Variants in KAZN observed in about 807,000 individuals in gnomAD.
KAZN encodes the protein kazrin, periplakin interacting protein.
A neutral mutation model predicts 87.4 loss-of-function variants in KAZN; 40 were observed. The ratio of observed to expected loss-of-function variants is 0.46; its 90% confidence interval spans 0.36 to 0.60. The LOEUF (loss-of-function observed/expected upper bound fraction) is 0.60, where lower values mean the gene tolerates loss of function less well. Among genes scored for constraint, KAZN ranks in the 20% least tolerant of loss-of-function variants. The probability of loss-of-function intolerance (pLI) is 0.00; values close to 1 mark genes in which losing one functional copy is unlikely to be tolerated. For missense variants in KAZN, 898 were observed against 1,073.9 expected (o/e 0.84, Z 2.29); for synonymous variants, 466 against 458.3 (o/e 1.02, Z -0.22).
chr1:14,058,257 C>A (rs754508671), intron 1 of KAZN, among the ~76,000 whole-genome samples: 1 of 152,154 alleles, frequency 6.6e-6, no homozygotes, highest in African/African-American at 2.4e-5. Context: ...CTCCTTCCTT[C>A]TTTACCTTTA....
At chr1:15,033,205 A>C (rs894205201) in intron 2 of KAZN, among the ~76,000 whole-genome samples, 1 of 152,224 alleles carries the variant, frequency 6.6e-6, no homozygotes. Flanking sequence ...TGGTGTCCAC[A>C]GGGAGTTCGG....
chr1:14,106,422 C>A (rs1644376184), intron 1 of KAZN, among the ~76,000 whole-genome samples: 1 of 152,214 alleles, frequency 6.6e-6, no homozygotes, highest in South Asian at 2.1e-4. Flanking sequence ...ACCGTATTCC[C>A]TGTGGAACAA....
intron 2 of KAZN, among the ~76,000 whole-genome samples, chr1:14,277,525 A>G (rs1052558211): frequency 2.0e-5 from 3 of 152,054 alleles, no homozygotes; most frequent in Non-Finnish European, 4.4e-5. Context: ...TTAGCTGGGC[A>G]TGGTGGCAGG....
In KAZN at chr1:14,451,429, C is replaced by T. The variant is rs189065854; in HGVS notation, c.250-147554C>T. Among the ~76,000 whole-genome samples the T allele has an allele frequency of 1.3e-4, 20 of 152,202 alleles. 1 individual carries two copies. The highest frequency in any genetic ancestry group is 7.2e-4 in the Admixed American group (11 of 15,300). On this transcript the variant is annotated intron_variant, in intron 2 of 16. Coordinates refer to the KAZN transcript ENST00000636203. ...TACTTTCTGTGGGAGCACATGGTTA[C>T]AGACAACAGAAACCAACAGCTGAGA...
chr1:14,673,761 C>T (rs577108031), intron 1 of KAZN, among the ~76,000 whole-genome samples: 29 of 152,290 alleles, frequency 1.9e-4, no homozygotes, highest in Admixed American at 1.5e-3. Flanking sequence ...GAATTCTTGG[C>T]GCCGGTCAAC....
At chr1:14,285,756 T>C (rs1043130243) in intron 2 of KAZN, among the ~76,000 whole-genome samples, 63 of 152,174 alleles carry the variant, frequency 4.1e-4, no homozygotes, top group African/African-American at 1.4e-3. Flanking sequence ...TGCCTTCATA[T>C]TCCTTTTGCA....
chr1:15,112,882 G>T (rs1641701489), intron 14 of KAZN: 2 of 218,962 alleles, frequency 9.1e-6, no homozygotes, highest in Non-Finnish European at 9.3e-6. Context: ...GGGCGAGGGG[G>T]ATCCTGCATT....
In KAZN at chr1:14,712,571, C is replaced by T. The variant is rs72866865; in HGVS notation, c.226+113348C>T. The stretch of plus-strand genomic sequence containing the variant: ...AGAGCATTTTGCAATCATTTGAGAC[C>T]CCTCCGATCTGCCAGAAGCCCATGC... On this transcript the variant is annotated intron_variant, in intron 1 of 14. Transcript: ENST00000376030. Among the ~76,000 whole-genome samples, 519 of 152,222 alleles carry T rather than the reference C, an allele frequency of 3.4e-3. 4 individuals carry two copies. Among genetic ancestry groups the T allele is most frequent in the African/African-American group, 0.012 (497 of 41,516 alleles).
intron 2 of KAZN, among the ~76,000 whole-genome samples, chr1:14,415,833 T>C (rs1664711015): frequency 6.6e-6 from 1 of 152,148 alleles, no homozygotes; most frequent in East Asian, 1.9e-4. Context: ...GCTTGTGTTG[T>C]TGTCTTGGAT....
chr1:15,111,100 T>G (rs922360189), intron 13 of KAZN, among the ~76,000 whole-genome samples: 1 of 152,220 alleles, frequency 6.6e-6, no homozygotes, highest in African/African-American at 2.4e-5. Flanking sequence ...CTCCCTGTTA[T>G]GTGGAAGCCT....
At chr1:14,436,185 C>T (rs567730867) in intron 2 of KAZN, among the ~76,000 whole-genome samples, 59 of 151,876 alleles carry the variant, frequency 3.9e-4, no homozygotes, top group Middle Eastern at 6.8e-3. Flanking sequence ...GCCGAGATCG[C>T]GCCATTGCAC....
At chr1:14,263,569 ACT>A (rs1484421792) in intron 2 of KAZN, among the ~76,000 whole-genome samples, 4 of 151,330 alleles carry the variant, frequency 2.6e-5, no homozygotes, top group Non-Finnish European at 5.9e-5. Flanking sequence ...CAAAGACAAA[ACT>A]CTGGTTTGGT....
At chr1:14,921,074 G>A (rs1190232231) in intron 1 of KAZN, among the ~76,000 whole-genome samples, 4 of 151,988 alleles carry the variant, frequency 2.6e-5, no homozygotes, top group Non-Finnish European at 5.9e-5. Flanking sequence ...AGTAAGGGGG[G>A]CATGGGCAGC....
chr1:14,859,122 G>A (rs953158569), intron 1 of KAZN, among the ~76,000 whole-genome samples: 9 of 151,956 alleles, frequency 5.9e-5, no homozygotes, highest in Admixed American at 5.9e-4. Flanking sequence ...CAGGAGAATG[G>A]CGTGAACCTG....
chr1:14,386,953 G>A lies in KAZN; in HGVS notation c.249+206361G>A, dbSNP rs567445161. Reference sequence around the variant, plus strand: ...CTCCCCGTCACTTTCAGGTACACCAGTCAGACATAGATTTGGTCTTTTCAC... The same window carrying A: ...CTCCCCGTCACTTTCAGGTACACCAATCAGACATAGATTTGGTCTTTTCAC... On this transcript the variant is annotated intron_variant, in intron 2 of 16. Coordinates refer to the KAZN transcript ENST00000636203. 2.8e-3 allele frequency among the ~76,000 whole-genome samples: 426 copies of A among 152,260 alleles called. 1 individual carries two copies. The highest frequency in any genetic ancestry group is 9.3e-3 in the African/African-American group (385 of 41,534).
At chr1:14,740,999 C>T (rs1396156964) in intron 1 of KAZN, among the ~76,000 whole-genome samples, 1 of 152,180 alleles carries the variant, frequency 6.6e-6, no homozygotes, top group East Asian at 1.9e-4. Flanking sequence ...GAGCTCTGTG[C>T]TTTGAACATG....
intron 8 of KAZN, among the ~76,000 whole-genome samples, chr1:15,090,831 G>A (rs1463375805): frequency 2.0e-5 from 3 of 152,174 alleles, no homozygotes; most frequent in Admixed American, 6.5e-5. Context: ...GAATGGTACC[G>A]GGTTAGCTTT....
At chr1:14,400,679 T>C (rs1240651035) in intron 2 of KAZN, among the ~76,000 whole-genome samples, 1 of 152,210 alleles carries the variant, frequency 6.6e-6, no homozygotes, top group Non-Finnish European at 1.5e-5. Context: ...GAAGCTTTAT[T>C]CAGCCCATCA....
At chr1:14,343,331 C>T (rs1331691429) in intron 2 of KAZN, among the ~76,000 whole-genome samples, 4 of 152,180 alleles carry the variant, frequency 2.6e-5, no homozygotes, top group Non-Finnish European at 4.4e-5. Context: ...GTCCACTTCA[C>T]GTTTTCCTGC....
Sources: gnomAD v4.1 joint callset for allele counts (sites outside exome capture counted in the v4.1 genomes callset) on GRCh38, gnomAD v4.1.1 for gene constraint, MANE v1.5 for transcripts, NCBI Gene and HGNC (gene_info 2026-07-23, HGNC 2026-07-21) for gene names.